DICER1: variants seen among roughly 807,000 people sequenced by gnomAD.
The protein encoded by DICER1 is dicer 1, ribonuclease III.
In DICER1, 43 loss-of-function variants were observed where a neutral mutation model predicts 194.1. That is an observed-to-expected ratio of 0.22 (90% CI 0.17 to 0.29). The LOEUF is 0.29. Ranked by LOEUF, DICER1 falls within the 10% of genes least tolerant of loss-of-function variation. The pLI is 1.00. For synonymous variants in DICER1, 832 were observed against 820.5 expected (o/e 1.01, Z -0.24); for missense variants, 1,608 against 2,317.0 (o/e 0.69, Z 6.28).
intron 10 of DICER1, 24 bp from the exon 11 acceptor site, chr14:95,115,845 TATG>T: frequency 1.9e-6 from 3 of 1,613,502 alleles, no homozygotes; most frequent in Middle Eastern, 1.7e-4. Context: ...AAACAGAACT[TATG>T]ATGAAAACAC....
At chr14:95,155,511 TA>T (rs1344325249) in intron 1 of DICER1, among the ~76,000 whole-genome samples, 5 of 152,166 alleles carry the variant, frequency 3.3e-5, no homozygotes, top group African/African-American at 1.2e-4. Flanking sequence ...CAATGTCTTC[TA>T]AAACCAAGAC....
chr14:95,116,825 G>T (rs1049842744), intron 9 of DICER1, 130 bp from the exon 10 acceptor site: 41 of 933,496 alleles, frequency 4.4e-5, no homozygotes, highest in African/African-American at 3.3e-5. Flanking sequence ...AATCCTTAAG[G>T]CCAGGCTAAA....
chr14:95,110,999 C>T (rs1048078056), intron 14 of DICER1, among the ~76,000 whole-genome samples: 1 of 152,136 alleles, frequency 6.6e-6, no homozygotes, highest in Non-Finnish European at 1.5e-5. Flanking sequence ...AAGAATCACA[C>T]CACTAAACTG....
At position 95,103,990 on chromosome 14, in the gene DICER1, C is replaced by A. The variant is rs2139969244; in HGVS notation, c.3406G>T (p.Gly1136Cys). ...TCTAGAGAGGAGGTTCTATTAGCACCTTGATGTGCAGCATTTTCAGGGACA... is the reference window on the plus strand; with the variant it reads ...TCTAGAGAGGAGGTTCTATTAGCACATTGATGTGCAGCATTTTCAGGGACA... Reference protein sequence around the residue: ...TIVPENAAHQGANRTSSLENH... With the variant: ...TIVPENAAHQCANRTSSLENH... Residue 1136 changes from glycine to cysteine, a missense_variant, in exon 21 of 27, where the codon GGT becomes TGT. Coordinates refer to ENST00000343455, the MANE Select transcript of DICER1 (RefSeq NM_177438.3). The A allele has an allele frequency of 6.2e-7, 1 of 1,614,146 alleles. No individual in the cohort carries two copies. The highest frequency in any genetic ancestry group is 1.1e-5 in the South Asian group (1 of 91,078).
chr14:95,124,706 A>T lies in DICER1; in HGVS notation c.904-38T>A. 6.7e-7 allele frequency: 1 copy of T among 1,491,848 alleles called. No individual in the cohort carries two copies. Among genetic ancestry groups the T allele is most frequent in the South Asian group, 1.1e-5 (1 of 88,422 alleles). 92.4% of individuals were successfully genotyped at this position (1,491,848 alleles called of 1,614,324 possible). On this transcript the variant is annotated intron_variant, in intron 7 of 26. Coordinates refer to ENST00000343455, the MANE Select transcript of DICER1 (RefSeq NM_177438.3). The surrounding 1 kb of genome is among the most constrained non-coding windows in gnomAD (Gnocchi z 4.5). Reference sequence around the variant, plus strand: ...GAAAAGAAAAAACCTAATGCCAAATAATAATAATGTAGCATTTTCATGTGG... The same window carrying T: ...GAAAAGAAAAAACCTAATGCCAAATTATAATAATGTAGCATTTTCATGTGG...
In DICER1 at chr14:95,126,769, G is replaced by A. The variant is rs766240182; in HGVS notation, c.735-21C>T. ...TATACCTTTAACATAAGAAACAAAAGGTATCAATACTGCAGTAGTGAGAAT... is the reference window on the plus strand; with the variant it reads ...TATACCTTTAACATAAGAAACAAAAAGTATCAATACTGCAGTAGTGAGAAT... On this transcript the variant is annotated intron_variant, in intron 6 of 26. Transcript: ENST00000343455. The A allele has an allele frequency of 1.9e-6, 3 of 1,548,426 alleles. No homozygotes were observed. The East Asian group carries it at 6.9e-5, about 36-fold the overall frequency.
At chr14:95,093,623 T>C (rs1242410986) in intron 24 of DICER1, among the ~76,000 whole-genome samples, 1 of 152,192 alleles carries the variant, frequency 6.6e-6, no homozygotes, top group Admixed American at 6.5e-5. Flanking sequence ...GAAGCCCTCA[T>C]GAAGGCGTGG....
chr14:95,110,389 C>T (rs1199750275), intron 14 of DICER1, among the ~76,000 whole-genome samples: 3 of 152,198 alleles, frequency 2.0e-5, no homozygotes, highest in Admixed American at 1.3e-4. Context: ...CATGCTCACT[C>T]ACAGTGGGGC....
chr14:95,090,081 G>T lies in DICER1; in HGVS notation c.*417C>A. Reference sequence around the variant, plus strand: ...CAGGACTGGCACTACTGCACACACGGAGAGATGGAGAAGAATCTACATCAT... The same window carrying T: ...CAGGACTGGCACTACTGCACACACGTAGAGATGGAGAAGAATCTACATCAT... On this transcript the variant is annotated 3_prime_UTR_variant, in exon 27 of 27. Coordinates refer to ENST00000343455, the MANE Select transcript of DICER1 (RefSeq NM_177438.3). 1 of 359,556 alleles carries T rather than the reference G, an allele frequency of 2.8e-6. No homozygotes were observed. The highest frequency in any genetic ancestry group is 5.2e-6 in the Non-Finnish European group (1 of 193,216). The allele number at this position is 359,556 out of a possible 1,614,324, so 22.3% of individuals were successfully genotyped here.
chr14:95,090,841 A>G (rs1193868650), intron 26 of DICER1, 178 bp from the exon 27 acceptor site: 2 of 939,356 alleles, frequency 2.1e-6, no homozygotes, highest in African/African-American at 3.3e-5. Flanking sequence ...GCTGCCGTCT[A>G]GTCTTTATTA....
Position 95,086,329 on chromosome 14 carries a change from TGCA to T in DICER1, c.*4166_*4168del, listed in dbSNP as rs1425461335. On this transcript the variant is annotated 3_prime_UTR_variant, in exon 27 of 27. Transcript: ENST00000343455. ...CCATAAGGTGCAGACTGCAAATTTC[TGCA>T]GCATGATTACTGTATGAATGAATGA... 1 of 232,838 alleles carries T rather than the reference TGCA, an allele frequency of 4.3e-6. No individual in the cohort carries two copies. The highest frequency in any genetic ancestry group is 8.5e-6 in the Non-Finnish European group (1 of 117,868). The allele number at this position is 232,838 out of a possible 1,614,324, so 14.4% of individuals were successfully genotyped here.
chr14:95,124,260 AAGG>A lies in DICER1; in HGVS notation c.1309_1311del (p.Pro437del). The stretch of plus-strand genomic sequence containing the variant: ...ATAATTCCGCACAAAATGTTGGTAA[AAGG>A]AGAAGGAAAATTTGTCTCTGGCTTC... On this transcript the variant is annotated inframe_deletion, in exon 8 of 27. Transcript: ENST00000343455. This position sits in a 1 kb window ranked among gnomAD's most constrained non-coding sequence, Gnocchi z 4.5. 6.2e-7 allele frequency: 1 copy of A among 1,614,034 alleles called. No homozygotes were observed. The highest frequency in any genetic ancestry group is 8.5e-7 in the Non-Finnish European group (1 of 1,180,040).
At chr14:95,134,226 T>G (rs931085981) in intron 1 of DICER1, 12 of 152,206 alleles carry the variant, frequency 7.9e-5, no homozygotes, top group Non-Finnish European at 1.5e-4. Context: ...CTAGATAAAT[T>G]AAAACAAATG....
At chr14:95,117,473 G>A (rs1892575039) in intron 9 of DICER1, 149 bp downstream of exon 9, 1 of 826,798 alleles carries the variant, frequency 1.2e-6, no homozygotes, top group East Asian at 2.7e-5. Context: ...ACCTCATGGG[G>A]ACAGCTGGTC....
chr14:95,148,443 G>C (rs1412995732), intron 1 of DICER1, among the ~76,000 whole-genome samples: 1 of 152,130 alleles, frequency 6.6e-6, no homozygotes, highest in African/African-American at 2.4e-5. Context: ...TAAGAATAGG[G>C]TAGAGGACAG....
intron 1 of DICER1, among the ~76,000 whole-genome samples, chr14:95,143,583 G>GA (rs1259296064): frequency 6.6e-6 from 1 of 151,714 alleles, no homozygotes; most frequent in African/African-American, 2.4e-5. Flanking sequence ...ATAAAAATGT[G>GA]AAAAAAAATT....
intron 23 of DICER1, 102 bp downstream of exon 23, chr14:95,095,723 T>C (rs763990002): frequency 1.6e-6 from 2 of 1,253,092 alleles, no homozygotes; most frequent in Non-Finnish European, 2.3e-6. Context: ...ATATTAAGCA[T>C]GAACACTGTA....
In DICER1 at chr14:95,107,751, G is replaced by C. The variant is rs2140020474; in HGVS notation, c.2661C>G (p.Ser887=). Residue 887 remains serine, a synonymous_variant, in exon 17 of 27, where the codon TCC becomes TCG. Transcript: ENST00000343455. ...CVLPLNVVND[S]STLDIDFKFM... is the part of the protein sequence containing the mutation. ...ATTTAAAGTCAATATCCAAAGTGCT[G>C]GAGTCATTAACTTAGAAGAGAAAAA... The C allele has an allele frequency of 6.2e-7, 1 of 1,610,528 alleles. No individual in the cohort carries two copies. Among genetic ancestry groups the C allele is most frequent in the Non-Finnish European group, 8.5e-7 (1 of 1,177,978 alleles).
chr14:95,103,633 T>G lies in DICER1; in HGVS notation c.3763A>C (p.Ser1255Arg). The G allele has an allele frequency of 6.2e-7, 1 of 1,614,202 alleles. No homozygotes were observed. Among genetic ancestry groups the G allele is most frequent in the Non-Finnish European group, 8.5e-7 (1 of 1,180,038 alleles). The change falls in exon 21 of 27, where the codon AGT becomes CGT. Residue 1255 changes from serine (S) to arginine (R), a missense_variant. Physicochemically the swap from Ser to Arg is moderately radical, Grantham distance 110 (BLOSUM62 -1). This residue lies in a region of DICER1 where 222 missense variants were observed against 215.5 expected (regional missense o/e 1.03). Transcript: ENST00000343455. ...GNANKSTSDG[S>R]PVMAVMPGTT... ...CCAGGCATTACGGCCATCACAGGAC[T>G]TCCATCTGAGGTAGATTTGTTAGCA... is the stretch of plus-strand genomic sequence containing the variant.
Sources: allele counts gnomAD v4.1 joint callset (sites outside exome capture counted in the v4.1 genomes callset), GRCh38; gene constraint gnomAD v4.1.1; regional missense constraint gnomAD v4.1.1; non-coding constraint Gnocchi (gnomAD v3.1); transcripts MANE v1.5; gene names NCBI Gene and HGNC (gene_info 2026-07-23, HGNC 2026-07-21).